Variants in ADAM12 observed in about 807,000 individuals in gnomAD.
ADAM12 encodes disintegrin and metalloproteinase domain-containing protein 12.
ADAM12 carries 70 observed loss-of-function variants against 106.4 expected under a neutral mutation model. The ratio of observed to expected loss-of-function variants is 0.66; its 90% CI spans 0.54 to 0.80. The LOEUF is 0.80. Among genes scored for constraint, ADAM12 ranks in the 30% least tolerant of loss-of-function variants. The pLI, the probability that ADAM12 is intolerant of heterozygous loss-of-function variation, is 0.00. For missense variants in ADAM12, 1,010 were observed against 1,171.9 expected, an observed-to-expected ratio of 0.86 and a Z score of 2.02; for synonymous variants, 420 against 433.5, an observed-to-expected ratio of 0.97 and a Z score of 0.39.
At chr10:126,042,269 C>G (rs536757484) in intron 18 of ADAM12, 1 of 1,609,364 alleles carries the variant, frequency 6.2e-7, no homozygotes, top group South Asian at 1.1e-5. Context: ...TTTAGACTTG[C>G]CCCTGAATTG....
intron 19 of ADAM12, among the ~76,000 whole-genome samples, 174 bp downstream of exon 19, chr10:126,039,120 C>T (rs1011261287): frequency 7.9e-5 from 12 of 151,848 alleles, no homozygotes; most frequent in African/African-American, 2.4e-4. Context: ...CCACCGCGCC[C>T]GGCTGATATT....
At chr10:126,119,733 C>A (rs1956050750) in intron 5 of ADAM12, among the ~76,000 whole-genome samples, 1 of 152,192 alleles carries the variant, frequency 6.6e-6, no homozygotes, top group African/African-American at 2.4e-5. Context: ...TAGCCATGGA[C>A]CATGACACAT....
chr10:126,130,749 G>C (rs892553316), intron 5 of ADAM12, among the ~76,000 whole-genome samples: 5 of 152,220 alleles, frequency 3.3e-5, no homozygotes, highest in African/African-American at 1.2e-4. Flanking sequence ...CCTGGGAAGA[G>C]GGATGGAGGG....
intron 3 of ADAM12, among the ~76,000 whole-genome samples, chr10:126,255,803 A>G (rs903359531): frequency 6.6e-6 from 1 of 152,156 alleles, no homozygotes; most frequent in Non-Finnish European, 1.5e-5. Flanking sequence ...CTAGTCTCAG[A>G]GATGTCTGCA....
intron 8 of ADAM12, 108 bp downstream of exon 8, chr10:126,108,485 G>A: frequency 1.0e-6 from 1 of 1,000,472 alleles, no homozygotes; most frequent in Non-Finnish European, 1.5e-6. Flanking sequence ...TCCAAACCAA[G>A]GCCCAGAGGC....
intron 6 of ADAM12, among the ~76,000 whole-genome samples, chr10:126,113,409 C>T (rs1326908020): frequency 1.3e-5 from 2 of 151,692 alleles, no homozygotes; most frequent in African/African-American, 4.9e-5. Context: ...CCTGTAATCC[C>T]AGCACTTTGG....
At chr10:126,262,963 T>G (rs984562020) in intron 3 of ADAM12, among the ~76,000 whole-genome samples, 2 of 152,322 alleles carry the variant, frequency 1.3e-5, no homozygotes, top group East Asian at 3.9e-4. Flanking sequence ...CCCAACAAAA[T>G]GGACTGCTCT....
chr10:126,019,716 CCA>C lies in ADAM12; in HGVS notation c.2637_2638del (p.Gly880AlafsTer26). ...AAACCTGAGGGGTGCCAGGCGGAGC[CCA>C]GTCTCCCATTGTCCTGGGGTCCTGG... On this transcript the variant is annotated frameshift_variant, in exon 22 of 23. Coordinates refer to ENST00000448723, the MANE Select transcript of ADAM12 (RefSeq NM_001288973.2). LOFTEE classifies it low-confidence loss of function (END_TRUNC). 6.2e-7 allele frequency: 1 copy of C among 1,613,920 alleles called. No individual in the cohort carries two copies. Among genetic ancestry groups the C allele is most frequent in the Non-Finnish European group, 8.5e-7 (1 of 1,179,844 alleles).
chr10:126,099,933 T>G (rs536528685), intron 9 of ADAM12, among the ~76,000 whole-genome samples: 4 of 152,060 alleles, frequency 2.6e-5, no homozygotes, highest in Admixed American at 1.3e-4. Context: ...AAATAAAAAT[T>G]TGTCACTTCT....
intron 11 of ADAM12, among the ~76,000 whole-genome samples, chr10:126,082,363 GTTTTTT>G (rs5788763): frequency 1.7e-4 from 14 of 80,778 alleles, no homozygotes; most frequent in Admixed American, 7.3e-4. Flanking sequence ...TCTAATGACT[GTTTTTT>G]TTTTTTTTTT....
chr10:126,051,540 TC>T (rs1954492244), intron 14 of ADAM12, among the ~76,000 whole-genome samples: 1 of 53,834 alleles, frequency 1.9e-5, no homozygotes. Flanking sequence ...CAGCCACCCA[TC>T]CATCCATCCA....
At chr10:126,189,888 C>T (rs998964401) in intron 3 of ADAM12, among the ~76,000 whole-genome samples, 1 of 152,152 alleles carries the variant, frequency 6.6e-6, no homozygotes, top group Non-Finnish European at 1.5e-5. Flanking sequence ...CTCGGACTCC[C>T]TAGGCCGTGT....
chr10:126,321,913 G>T (rs189721467), intron 2 of ADAM12, among the ~76,000 whole-genome samples: 1 of 138,082 alleles, frequency 7.2e-6, no homozygotes, highest in African/African-American at 2.6e-5. Flanking sequence ...GTCGGGGGGG[G>T]GGCTTCAGCA....
chr10:126,339,591 G>A (rs961375075), intron 1 of ADAM12, among the ~76,000 whole-genome samples: 1 of 152,156 alleles, frequency 6.6e-6, no homozygotes. Flanking sequence ...TTAAAGGAGA[G>A]GGACCTTTAA....
chr10:126,024,704 A>G lies in ADAM12; in HGVS notation c.2530-4879T>C, dbSNP rs767223780. ...GGTTGAAGGTAGGGGAGAATGAGAA[A>G]CCAGACAAATCTAATAAAACATAGG... On this transcript the variant is annotated intron_variant, in intron 21 of 22. Transcript: ENST00000448723. Among the ~76,000 whole-genome samples, 92 of 152,310 alleles carry G rather than the reference A, an allele frequency of 6.0e-4. 1 individual carries two copies. The Middle Eastern group carries it at 0.014, about 23-fold the overall frequency.
chr10:126,298,443 C>A (rs574409539), intron 2 of ADAM12, among the ~76,000 whole-genome samples: 3 of 151,894 alleles, frequency 2.0e-5, no homozygotes, highest in African/African-American at 7.3e-5. Context: ...AGGAAGAAAT[C>A]GTAGAGTGAA....
intron 9 of ADAM12, among the ~76,000 whole-genome samples, chr10:126,099,708 C>G (rs1955624162): frequency 6.6e-6 from 1 of 152,106 alleles, no homozygotes; most frequent in South Asian, 2.1e-4. Flanking sequence ...GTGAAAATGG[C>G]CGAAGTAAAT....
rs1182046089 is a variant in ADAM12, at chr10:126,015,356, G to A, written c.*1923C>T. ...TCTAAAAAGACAATGCCCACGTAAT[G>A]CACCATAAAATTCTGTAAACCTTTT... On this transcript the variant is annotated 3_prime_UTR_variant, in exon 23 of 23. Transcript: ENST00000448723. 6.6e-6 allele frequency: 1 copy of A among 152,164 alleles called. No homozygotes were observed. The highest frequency in any genetic ancestry group is 2.4e-5 in the African/African-American group (1 of 41,424). 9.4% of individuals were successfully genotyped at this position (152,164 alleles called of 1,614,324 possible). A position where few individuals can be genotyped will look rare whatever the true frequency, so the allele number is the denominator to read the frequency against.
intron 3 of ADAM12, among the ~76,000 whole-genome samples, chr10:126,221,256 T>G (rs890192609): frequency 1.3e-5 from 2 of 151,956 alleles, no homozygotes; most frequent in African/African-American, 2.4e-5. Context: ...TGGTGGCACA[T>G]GCCTGTAATC....
Sources: allele counts gnomAD v4.1 joint callset (sites outside exome capture counted in the v4.1 genomes callset), GRCh38; gene constraint gnomAD v4.1.1; transcripts MANE v1.5; gene names NCBI Gene and HGNC (gene_info 2026-07-23, HGNC 2026-07-21).